PRKAR2B: variants seen among roughly 807,000 people sequenced by gnomAD.
The protein encoded by PRKAR2B is protein kinase cAMP-dependent type II regulatory subunit beta.
In PRKAR2B, 14 loss-of-function variants were observed where a neutral mutation model predicts 49.9. The ratio of observed to expected loss-of-function variants is 0.28; its 90% CI spans 0.19 to 0.44. The LOEUF (loss-of-function observed/expected upper bound fraction) is 0.44. Among genes scored for constraint, PRKAR2B ranks in the 20% least tolerant of loss-of-function variants. PRKAR2B has a pLI of 1.00. For synonymous variants in PRKAR2B, 196 were observed against 197.7 expected (o/e 0.99, Z 0.07); for missense variants, 393 against 537.9 (o/e 0.73, Z 2.67).
chr7:107,154,923 C>T (rs1050090983), intron 8 of PRKAR2B, among the ~76,000 whole-genome samples: 5 of 152,302 alleles, frequency 3.3e-5, no homozygotes, highest in Non-Finnish European at 7.4e-5. Flanking sequence ...GAGTTTGGTC[C>T]TCAGTTGACT....
intron 1 of PRKAR2B, among the ~76,000 whole-genome samples, chr7:107,060,118 A>G (rs1295938329): frequency 6.6e-6 from 1 of 152,214 alleles, no homozygotes; most frequent in African/African-American, 2.4e-5. Context: ...TTCATATTTT[A>G]AGTATTTATC....
In PRKAR2B at chr7:107,160,243, TA is replaced by T. The variant is rs1796174371; in HGVS notation, c.*663del. The T allele has an allele frequency of 6.6e-6, 1 of 152,662 alleles. No homozygotes were observed. The highest frequency in any genetic ancestry group is 6.5e-5 in the Admixed American group (1 of 15,284). 9.5% of individuals were successfully genotyped at this position (152,662 alleles called of 1,614,324 possible). The stretch of plus-strand genomic sequence containing the variant: ...TGGACAGGCAATTTAGTCATTATGA[TA>T]ATAAGGAAAACAGTGTTTTAGATGA... On this transcript the variant is annotated 3_prime_UTR_variant, in exon 11 of 11. Coordinates refer to ENST00000265717, the MANE Select transcript of PRKAR2B (RefSeq NM_002736.3).
At chr7:107,055,264 A>G in intron 1 of PRKAR2B, among the ~76,000 whole-genome samples, 1 of 152,242 alleles carries the variant, frequency 6.6e-6, no homozygotes, top group Non-Finnish European at 1.5e-5. Context: ...ATAATGCCAC[A>G]ATAAATACAT....
intron 3 of PRKAR2B, among the ~76,000 whole-genome samples, chr7:107,122,262 A>G (rs1795403164): frequency 6.6e-6 from 1 of 152,158 alleles, no homozygotes; most frequent in Non-Finnish European, 1.5e-5. Flanking sequence ...TCTTTCTCAT[A>G]GTGATAATAT....
At chr7:107,105,427 A>G (rs181087289) in intron 2 of PRKAR2B, among the ~76,000 whole-genome samples, 1 of 152,316 alleles carries the variant, frequency 6.6e-6, no homozygotes, top group East Asian at 1.9e-4. Context: ...GTGGTCCCGC[A>G]TGGTACAACC....
intron 2 of PRKAR2B, among the ~76,000 whole-genome samples, chr7:107,076,286 ACAGAGTTTAGAGT>A (rs1485492237): frequency 1.5e-4 from 23 of 152,324 alleles, no homozygotes; most frequent in Admixed American, 4.6e-4. Flanking sequence ...ATTATCTCAT[ACAGAGTTTAGAGT>A]CAGATTTCCT....
chr7:107,107,062 T>C (rs1481250214), intron 2 of PRKAR2B, among the ~76,000 whole-genome samples: 1 of 152,094 alleles, frequency 6.6e-6, no homozygotes, highest in Non-Finnish European at 1.5e-5. Flanking sequence ...TTAGGTTGGG[T>C]GCGGTGGCTC....
intron 2 of PRKAR2B, among the ~76,000 whole-genome samples, chr7:107,098,146 A>G (rs1016216272): frequency 6.6e-6 from 1 of 152,184 alleles, no homozygotes; most frequent in African/African-American, 2.4e-5. Flanking sequence ...TTCAGGTACA[A>G]CAATCAGACG....
chr7:107,048,793 T>G (rs923903356), intron 1 of PRKAR2B, among the ~76,000 whole-genome samples: 1 of 152,210 alleles, frequency 6.6e-6, no homozygotes, highest in African/African-American at 2.4e-5. Flanking sequence ...CCCTCTCCTA[T>G]TCTCTTCCAG....
intron 3 of PRKAR2B, among the ~76,000 whole-genome samples, chr7:107,124,480 T>C (rs912605505): frequency 6.6e-6 from 1 of 152,126 alleles, no homozygotes; most frequent in African/African-American, 2.4e-5. Flanking sequence ...AGTGAAACAG[T>C]GTAGGAATCA....
intron 7 of PRKAR2B, among the ~76,000 whole-genome samples, chr7:107,151,991 G>C (rs116872177): frequency 6.6e-6 from 1 of 152,272 alleles, no homozygotes; most frequent in Non-Finnish European, 1.5e-5. Flanking sequence ...TTATCCAACT[G>C]CAAATGTAAG....
intron 2 of PRKAR2B, among the ~76,000 whole-genome samples, chr7:107,075,376 T>C (rs915266285): frequency 3.3e-5 from 5 of 151,642 alleles, no homozygotes; most frequent in Admixed American, 1.3e-4. Context: ...GCTGGGATTA[T>C]AGGTGTAAGC....
At chr7:107,139,662 A>G (rs147470414) in intron 4 of PRKAR2B, among the ~76,000 whole-genome samples, 89 of 152,270 alleles carry the variant, frequency 5.8e-4, no homozygotes, top group African/African-American at 2.0e-3. Context: ...GCCACTTGTT[A>G]CTTACCTTCG....
chr7:107,070,295 C>G lies in PRKAR2B; in HGVS notation c.322C>G (p.Arg108Gly). ...AGAFNAPVIN[R>G]FTRRASVCAE... ...TTTTCTTTTAGCTCCAGTAATAAAC[C>G]GATTCACAAGGCGTGCCTCAGGTAA... The change falls in exon 2 of 11, where the codon CGA (arginine) becomes GGA (glycine). Residue 108 changes from arginine to glycine, a missense_variant. Arg to Gly is a moderately radical substitution (Grantham distance 125, BLOSUM62 -2). Around this residue, in one of 2 missense-constraint regions of PRKAR2B, gnomAD observed 233 missense variants for 390.4 expected, o/e 0.60. Coordinates refer to ENST00000265717, the MANE Select transcript of PRKAR2B (RefSeq NM_002736.3). 1 of 1,606,422 alleles carries G rather than the reference C, an allele frequency of 6.2e-7. No homozygotes were observed. Among genetic ancestry groups the G allele is most frequent in the Non-Finnish European group, 8.5e-7 (1 of 1,175,112 alleles).
chr7:107,070,264 TCTG>T lies in PRKAR2B; in HGVS notation c.308-14_308-12del, dbSNP rs1794237557. 1.3e-6 allele frequency: 2 copies of T among 1,599,686 alleles called. No homozygotes were observed. The highest frequency in any genetic ancestry group is 1.7e-6 in the Non-Finnish European group (2 of 1,169,770). ...TAGACTTTTAATCTAATCATATTAT[TCTG>T]CTTTTTCTTTTAGCTCCAGTAATAA... On this transcript the variant is annotated splice_polypyrimidine_tract_variant and intron_variant, in intron 1 of 10. Coordinates refer to ENST00000265717, the MANE Select transcript of PRKAR2B (RefSeq NM_002736.3).
rs1796165952 is a variant in PRKAR2B, at chr7:107,159,822, A to G, written c.*240A>G. The G allele has an allele frequency of 2.5e-6, 1 of 396,166 alleles. No homozygotes were observed. The highest frequency in any genetic ancestry group is 4.5e-6 in the Non-Finnish European group (1 of 222,310). 24.5% of individuals were successfully genotyped at this position (396,166 alleles called of 1,614,324 possible). On this transcript the variant is annotated 3_prime_UTR_variant, in exon 11 of 11. Transcript: ENST00000265717. ...GATAAAATGACTTTGTACTCCACAA[A>G]ATTATGACTGAAAGGTTTATTAAAA...
intron 2 of PRKAR2B, among the ~76,000 whole-genome samples, chr7:107,089,281 G>A (rs780806702): frequency 1.0e-3 from 156 of 152,210 alleles, no homozygotes; most frequent in Non-Finnish European, 1.3e-3. Flanking sequence ...AAATGGCAGA[G>A]ATGGGATTAT....
chr7:107,086,582 C>T (rs1474384240), intron 2 of PRKAR2B, among the ~76,000 whole-genome samples: 1 of 151,932 alleles, frequency 6.6e-6, no homozygotes, highest in Non-Finnish European at 1.5e-5. Context: ...CCACCTCAGC[C>T]TCCCACAAGC....
At chr7:107,146,530 G>A (rs1795898494) in intron 6 of PRKAR2B, 69 bp downstream of exon 6, 2 of 1,483,214 alleles carry the variant, frequency 1.3e-6, no homozygotes, top group East Asian at 2.3e-5. Context: ...GTTACAAATT[G>A]CCGCATGTAG....
Sources: gnomAD v4.1 joint callset for allele counts (sites outside exome capture counted in the v4.1 genomes callset) on GRCh38, gnomAD v4.1.1 for gene constraint, gnomAD v4.1.1 regional missense constraint, MANE v1.5 for transcripts, NCBI Gene and HGNC (gene_info 2026-07-23, HGNC 2026-07-21) for gene names.